The following FRYL variants were observed in gnomAD, a reference collection of about 807,000 sequenced individuals.
The protein encoded by FRYL is protein furry homolog-like.
A neutral mutation model predicts 351.2 loss-of-function variants in FRYL; 150 were observed. The ratio of observed to expected loss-of-function variants is 0.43; its 90% confidence interval spans 0.37 to 0.49. FRYL has a LOEUF of 0.49. Ranked by LOEUF, FRYL falls within the 20% of genes least tolerant of loss-of-function variation. The probability of loss-of-function intolerance (pLI) is 0.00; values close to 1 mark genes in which losing one functional copy is unlikely to be tolerated. For synonymous variants in FRYL, 1,153 were observed against 1,257.1 expected (o/e 0.92, Z 1.75); for missense variants, 3,036 against 3,619.3 (o/e 0.84, Z 4.13).
In FRYL at chr4:48,592,229, G is replaced by A. The variant is rs755199347; in HGVS notation, c.1336-1399C>T. Among the ~76,000 whole-genome samples the A allele has an allele frequency of 1.5e-4, 22 of 151,294 alleles. 1 individual carries two copies. Among genetic ancestry groups the A allele is most frequent in the Admixed American group, 1.2e-3 (18 of 15,224 alleles). On this transcript the variant is annotated intron_variant, in intron 16 of 63. Transcript: ENST00000358350. ...AGTCACATGTCACATAGTCAAAGAC[G>A]ACACCTTGAAAGACGCAGAAAAGCT...
At chr4:48,595,173 T>G (rs1744351722) in intron 15 of FRYL, among the ~76,000 whole-genome samples, 1 of 152,236 alleles carries the variant, frequency 6.6e-6, no homozygotes, top group Admixed American at 6.5e-5. Flanking sequence ...GTTTCCTCTT[T>G]GTCGTTCAGA....
intron 2 of FRYL, among the ~76,000 whole-genome samples, chr4:48,704,205 G>A (rs968294158): frequency 6.6e-6 from 1 of 152,118 alleles, no homozygotes; most frequent in Non-Finnish European, 1.5e-5. Context: ...TTTCTAATGT[G>A]TAAAGAGCTT....
At chr4:48,761,995 C>T (rs1774468320) in intron 1 of FRYL, among the ~76,000 whole-genome samples, 1 of 152,034 alleles carries the variant, frequency 6.6e-6, no homozygotes, top group Non-Finnish European at 1.5e-5. Flanking sequence ...GGGTAGATTC[C>T]TCATGAATAG....
chr4:48,758,378 T>G (rs1774030609), intron 1 of FRYL, among the ~76,000 whole-genome samples: 1 of 151,844 alleles, frequency 6.6e-6, no homozygotes, highest in Admixed American at 6.6e-5. Flanking sequence ...TCAAACAAAT[T>G]TACAAGAAAA....
chr4:48,702,969 G>C (rs1266354259), intron 2 of FRYL, among the ~76,000 whole-genome samples: 1 of 152,068 alleles, frequency 6.6e-6, no homozygotes, highest in Non-Finnish European at 1.5e-5. Flanking sequence ...GGAGAAGAGA[G>C]GTACAGATGT....
intron 9 of FRYL, among the ~76,000 whole-genome samples, chr4:48,607,696 C>T (rs1486858981): frequency 2.0e-5 from 3 of 152,186 alleles, no homozygotes; most frequent in African/African-American, 4.8e-5. Flanking sequence ...GATCCTTTCA[C>T]GTTTTCTCCC....
At chr4:48,649,171 A>G (rs1757145836) in intron 3 of FRYL, among the ~76,000 whole-genome samples, 1 of 152,206 alleles carries the variant, frequency 6.6e-6, no homozygotes, top group Non-Finnish European at 1.5e-5. Flanking sequence ...ATCAAATAAC[A>G]CAGATTTTAA....
chr4:48,586,887 C>T (rs1300858142), intron 18 of FRYL, among the ~76,000 whole-genome samples, 159 bp from the exon 19 acceptor site: 1 of 151,820 alleles, frequency 6.6e-6, no homozygotes, highest in Non-Finnish European at 1.5e-5. Flanking sequence ...AATTATTAGC[C>T]TATATATGGA....
At chr4:48,675,260 C>A (rs1187094466) in intron 3 of FRYL, among the ~76,000 whole-genome samples, 1 of 152,204 alleles carries the variant, frequency 6.6e-6, no homozygotes, top group Non-Finnish European at 1.5e-5. Flanking sequence ...AGCCTTTCAG[C>A]CCACCACTGC....
chr4:48,591,346 C>T (rs950122944), intron 16 of FRYL, among the ~76,000 whole-genome samples: 1 of 152,218 alleles, frequency 6.6e-6, no homozygotes, highest in African/African-American at 2.4e-5. Context: ...ATTACATACA[C>T]GTTTTCTTTC....
chr4:48,617,244 T>C (rs1237383885), intron 7 of FRYL, among the ~76,000 whole-genome samples: 1 of 152,070 alleles, frequency 6.6e-6, no homozygotes, highest in African/African-American at 2.4e-5. Flanking sequence ...TCAAGGCCAC[T>C]GTATTTCTTT....
intron 3 of FRYL, among the ~76,000 whole-genome samples, chr4:48,675,040 ATTTC>A (rs1763353623): frequency 6.6e-6 from 1 of 152,050 alleles, no homozygotes; most frequent in South Asian, 2.1e-4. Flanking sequence ...TCAAGTTTCA[ATTTC>A]TTTTTTCTTT....
chr4:48,619,819 C>G (rs1750290480), intron 6 of FRYL, among the ~76,000 whole-genome samples: 1 of 152,274 alleles, frequency 6.6e-6, no homozygotes. Flanking sequence ...AATAATCCAA[C>G]ATATGCAAAA....
intron 23 of FRYL, among the ~76,000 whole-genome samples, chr4:48,577,064 A>T (rs1330639817): frequency 2.0e-5 from 3 of 152,162 alleles, no homozygotes; most frequent in African/African-American, 7.2e-5. Context: ...TTATATAACC[A>T]AAGTTTTGTT....
intron 2 of FRYL, among the ~76,000 whole-genome samples, chr4:48,710,202 A>C (rs1380506926): frequency 6.6e-6 from 1 of 152,236 alleles, no homozygotes; most frequent in Non-Finnish European, 1.5e-5. Flanking sequence ...ATTCTTCAAC[A>C]AATGGGCTGA....
intron 33 of FRYL, among the ~76,000 whole-genome samples, chr4:48,559,019 T>G (rs1301896015): frequency 6.6e-6 from 1 of 152,042 alleles, no homozygotes; most frequent in Non-Finnish European, 1.5e-5. Flanking sequence ...ATCCCACAGA[T>G]CTACCACATA....
At chr4:48,527,010 TA>T (rs1726396564) in intron 53 of FRYL, among the ~76,000 whole-genome samples, 1 of 152,026 alleles carries the variant, frequency 6.6e-6, no homozygotes, top group South Asian at 2.1e-4. Flanking sequence ...TGTATATGAG[TA>T]GTATATGTAT....
chr4:48,632,099 T>A (rs866813832), intron 4 of FRYL, among the ~76,000 whole-genome samples: 14 of 21,506 alleles, frequency 6.5e-4, no homozygotes, highest in South Asian at 2.4e-3. Flanking sequence ...AAAATATATA[T>A]ATATATATAT....
intron 7 of FRYL, chr4:48,618,124 A>G (rs191035317): frequency 2.0e-5 from 3 of 152,320 alleles, no homozygotes; most frequent in Admixed American, 2.0e-4. Context: ...AAGAGATCAC[A>G]GAAGTCAAAT....
Sources: gnomAD v4.1 joint callset for allele counts (sites outside exome capture counted in the v4.1 genomes callset) on GRCh38, gnomAD v4.1.1 for gene constraint, MANE v1.5 for transcripts, NCBI Gene and HGNC (gene_info 2026-07-23, HGNC 2026-07-21) for gene names.